Variants in MARCHF3 observed in about 807,000 individuals in gnomAD.
The protein encoded by MARCHF3 is membrane associated ring-CH-type finger 3.
In MARCHF3, 13 loss-of-function variants were observed where a neutral mutation model predicts 24.2. The ratio of observed to expected loss-of-function variants is 0.54; its 90% CI spans 0.35 to 0.85. The LOEUF (loss-of-function observed/expected upper bound fraction) is 0.85, where lower values mean the gene tolerates loss of function less well. MARCHF3 is among the 40% of genes least tolerant of loss of function. The pLI, the probability that MARCHF3 is intolerant of heterozygous loss-of-function variation, is 0.01. For missense variants in MARCHF3, 276 were observed against 325.0 expected, an observed-to-expected ratio of 0.85 and a Z score of 1.16; for synonymous variants, 144 against 137.3, an observed-to-expected ratio of 1.05 and a Z score of -0.34.
At chr5:126,990,969 C>T (rs140437941) in intron 1 of MARCHF3, among the ~76,000 whole-genome samples, 3,101 of 152,026 alleles carry the variant, frequency 0.02, 73 homozygotes, top group South Asian at 0.12. Flanking sequence ...ATTAGTTCAA[C>T]CACTGTGGAA....
At chr5:126,953,604 T>C (rs937603518) in intron 1 of MARCHF3, among the ~76,000 whole-genome samples, 4 of 152,232 alleles carry the variant, frequency 2.6e-5, no homozygotes, top group Admixed American at 2.6e-4. Context: ...TGCTATACAA[T>C]ATGGAAGTAA....
rs750898305 is a variant in MARCHF3 at position 126,878,189 on chromosome 5, G to A, written c.599C>T (p.Thr200Ile). 2 of 1,614,180 alleles carry A rather than the reference G, an allele frequency of 1.2e-6. No homozygotes were observed. The highest frequency in any genetic ancestry group is 1.1e-5 in the South Asian group (1 of 91,068). Residue 200 changes from threonine to isoleucine, a missense_variant, in exon 4 of 5, where the codon ACA becomes ATA. Transcript: ENST00000308660. ...CCAGCCACGGCCCATACTTACTAGT[G>A]TCCAAAAGAGGTAAATAGTGAAGAG... ...VALFTIYLFW[T>I]LVSFRYHCRL...
intron 3 of MARCHF3, among the ~76,000 whole-genome samples, chr5:126,907,721 C>T (rs7711046): frequency 0.011 from 1,665 of 145,228 alleles, 18 homozygotes; most frequent in Non-Finnish European, 9.9e-3. Context: ...TGTCTCTGCA[C>T]GTGAGATGGG....
rs1554118635 is a variant in MARCHF3 at position 126,869,581 on chromosome 5, G to GTTTTTTTTTTTT, written c.*1051_*1052insAAAAAAAAAAAA. 1.4e-4 allele frequency: 3 copies of GTTTTTTTTTTTT among 20,918 alleles called. No individual in the cohort carries two copies. The highest frequency in any genetic ancestry group is 2.8e-4 in the African/African-American group (2 of 7,084). 1.3% of individuals were successfully genotyped at this position (20,918 alleles called of 1,614,324 possible). On this transcript the variant is annotated 3_prime_UTR_variant, in exon 5 of 5. Transcript: ENST00000308660. ...AATAAGTGCAGGGCTGCTAGGACAG[G>GTTTTTTTTTTTT]CTTTTTTTTTTTTTTTTTTTTTTGC...
chr5:127,000,742 A>C (rs1375511700), intron 1 of MARCHF3, among the ~76,000 whole-genome samples: 1 of 151,936 alleles, frequency 6.6e-6, no homozygotes, highest in Non-Finnish European at 1.5e-5. Context: ...ACTGTTGCCC[A>C]GGCTGGAGTG....
chr5:126,946,910 A>G (rs556448438), intron 1 of MARCHF3, among the ~76,000 whole-genome samples: 1 of 152,272 alleles, frequency 6.6e-6, no homozygotes, highest in East Asian at 1.9e-4. Context: ...CAATTGGCAC[A>G]TGAAGGAACT....
intron 1 of MARCHF3, among the ~76,000 whole-genome samples, chr5:126,969,094 A>C (rs1255255926): frequency 6.6e-6 from 1 of 152,172 alleles, no homozygotes; most frequent in Non-Finnish European, 1.5e-5. Flanking sequence ...GAAGATTTAC[A>C]TGTGTTTTCT....
chr5:126,996,875 A>G (rs554059038), intron 1 of MARCHF3, among the ~76,000 whole-genome samples: 1 of 152,318 alleles, frequency 6.6e-6, no homozygotes, highest in Middle Eastern at 3.4e-3. Flanking sequence ...AGCGCAGAAG[A>G]GTATATGTAA....
intron 1 of MARCHF3, among the ~76,000 whole-genome samples, chr5:127,009,450 A>G (rs1217939213): frequency 6.6e-6 from 1 of 152,212 alleles, no homozygotes; most frequent in Non-Finnish European, 1.5e-5. Context: ...TTTGTGTCTC[A>G]TTTATAGTAC....
chr5:126,932,911 C>G (rs181886299), intron 1 of MARCHF3, among the ~76,000 whole-genome samples: 1 of 152,122 alleles, frequency 6.6e-6, no homozygotes, highest in South Asian at 2.1e-4. Context: ...GAAGAGATAT[C>G]TTTTCTCCCC....
At chr5:126,915,339 T>C (rs1471125215) in intron 2 of MARCHF3, among the ~76,000 whole-genome samples, 1 of 152,158 alleles carries the variant, frequency 6.6e-6, no homozygotes, top group African/African-American at 2.4e-5. Flanking sequence ...CACAAAGAAA[T>C]AGGGGATTGC....
At chr5:127,027,831 G>C (rs1468828740) in intron 1 of MARCHF3, among the ~76,000 whole-genome samples, 1 of 152,158 alleles carries the variant, frequency 6.6e-6, no homozygotes, top group South Asian at 2.1e-4. Context: ...CACAATTCCA[G>C]TGTTTCTCAA....
chr5:126,954,856 C>T (rs1230382076), intron 1 of MARCHF3, among the ~76,000 whole-genome samples: 2 of 152,112 alleles, frequency 1.3e-5, no homozygotes, highest in Non-Finnish European at 2.9e-5. Context: ...CCTCCTTCTT[C>T]TCCTTTCCTC....
intron 1 of MARCHF3, among the ~76,000 whole-genome samples, chr5:126,988,767 A>G (rs1751648680): frequency 6.6e-6 from 1 of 152,228 alleles, no homozygotes; most frequent in African/African-American, 2.4e-5. Context: ...ACATCAGGCA[A>G]GTAAACTACT....
intron 1 of MARCHF3, among the ~76,000 whole-genome samples, chr5:126,974,049 C>A (rs1299390941): frequency 6.6e-6 from 1 of 151,708 alleles, no homozygotes; most frequent in Non-Finnish European, 1.5e-5. Context: ...AGGCGCCCGC[C>A]ACCGCGCCCG....
chr5:127,006,897 A>T (rs1207192793), intron 1 of MARCHF3, among the ~76,000 whole-genome samples: 2 of 152,190 alleles, frequency 1.3e-5, no homozygotes, highest in Non-Finnish European at 2.9e-5. Context: ...TAGCTTGCTT[A>T]TGAATGATGC....
At chr5:127,018,444 A>C (rs1031780105) in intron 1 of MARCHF3, among the ~76,000 whole-genome samples, 1 of 152,180 alleles carries the variant, frequency 6.6e-6, no homozygotes, top group East Asian at 1.9e-4. Context: ...GGAAACAAAA[A>C]TGGGGCAGAA....
intron 1 of MARCHF3, among the ~76,000 whole-genome samples, chr5:127,014,925 A>G (rs760614899): frequency 6.6e-6 from 1 of 152,194 alleles, no homozygotes; most frequent in African/African-American, 2.4e-5. Flanking sequence ...CAGAATGACT[A>G]TAGTTAACAA....
At chr5:127,004,471 T>C (rs913518076) in intron 1 of MARCHF3, among the ~76,000 whole-genome samples, 2 of 152,224 alleles carry the variant, frequency 1.3e-5, no homozygotes, top group African/African-American at 4.8e-5. Context: ...ATTTCTTTTT[T>C]ATAGGAATAA....
Sources: gnomAD v4.1 joint callset for allele counts (sites outside exome capture counted in the v4.1 genomes callset) on GRCh38, gnomAD v4.1.1 for gene constraint, MANE v1.5 for transcripts, NCBI Gene and HGNC (gene_info 2026-07-23, HGNC 2026-07-21) for gene names.